The following DSCAM variants were observed in gnomAD, a reference collection of about 807,000 sequenced individuals.
The protein encoded by DSCAM is DS cell adhesion molecule.
A neutral mutation model predicts 217.7 loss-of-function variants in DSCAM; 47 were observed. That is an observed-to-expected ratio of 0.22 (90% confidence interval 0.17 to 0.28). The LOEUF is 0.28. DSCAM is among the 10% of genes least tolerant of loss of function. The probability of loss-of-function intolerance (pLI) is 1.00; values close to 1 mark genes in which losing one functional copy is unlikely to be tolerated. For missense variants in DSCAM, 2,080 were observed against 2,618.3 expected, an observed-to-expected ratio of 0.79 and a Z score of 4.49; for synonymous variants, 1,056 against 1,015.3, an observed-to-expected ratio of 1.04 and a Z score of -0.76.
chr21:40,420,380 T>C (rs1416301540), intron 3 of DSCAM, among the ~76,000 whole-genome samples: 1 of 152,210 alleles, frequency 6.6e-6, no homozygotes. Flanking sequence ...CTACATTTGC[T>C]AAAATCAGAA....
At chr21:40,269,398 C>A (rs1303521437) in intron 11 of DSCAM, among the ~76,000 whole-genome samples, 4 of 152,192 alleles carry the variant, frequency 2.6e-5, no homozygotes, top group Middle Eastern at 3.2e-3. Flanking sequence ...TTTGATGGGT[C>A]CCGGCCAGGG....
At chr21:40,258,270 T>C (rs2073401755) in intron 11 of DSCAM, among the ~76,000 whole-genome samples, 1 of 152,240 alleles carries the variant, frequency 6.6e-6, no homozygotes. Flanking sequence ...CTTTCCCTCT[T>C]GCATTTCTTC....
chr21:40,383,195 G>T (rs1484398649), intron 3 of DSCAM: 1 of 152,158 alleles, frequency 6.6e-6, no homozygotes. Flanking sequence ...GGGCGTGGTG[G>T]TGTGCGCCTG....
intron 3 of DSCAM, among the ~76,000 whole-genome samples, chr21:40,637,606 A>ACATATATAAAT (rs2089815758): frequency 5.4e-5 from 2 of 36,790 alleles, no homozygotes; most frequent in African/African-American, 1.9e-4. Context: ...TATATATATA[A>ACATATATAAAT]ATATATATAA....
At chr21:40,784,493 C>A (rs560005888) in intron 1 of DSCAM, among the ~76,000 whole-genome samples, 1 of 152,260 alleles carries the variant, frequency 6.6e-6, no homozygotes, top group African/African-American at 2.4e-5. Flanking sequence ...CGGACTAATA[C>A]AACGTGCTTT....
chr21:40,569,580 G>A (rs986391007), intron 3 of DSCAM, among the ~76,000 whole-genome samples: 2 of 152,026 alleles, frequency 1.3e-5, no homozygotes, highest in African/African-American at 2.4e-5. Flanking sequence ...TCTCAGCCCC[G>A]CCCCATAGTT....
chr21:40,155,975 G>A (rs1211085681), intron 16 of DSCAM, among the ~76,000 whole-genome samples: 7 of 152,018 alleles, frequency 4.6e-5, no homozygotes, highest in African/African-American at 1.7e-4. Flanking sequence ...CCCAGCCAGT[G>A]CTCTGACATG....
chr21:40,802,574 T>A (rs2091751573), intron 1 of DSCAM, among the ~76,000 whole-genome samples: 1 of 152,178 alleles, frequency 6.6e-6, no homozygotes, highest in Admixed American at 6.5e-5. Flanking sequence ...AGGTGGGGCC[T>A]TTAAAGGTGA....
intron 3 of DSCAM, among the ~76,000 whole-genome samples, chr21:40,486,498 G>C (rs1323434709): frequency 1.3e-5 from 2 of 152,024 alleles, no homozygotes; most frequent in African/African-American, 4.8e-5. Flanking sequence ...GGAAAGGGAA[G>C]GAGAGAGGAG....
intron 11 of DSCAM, among the ~76,000 whole-genome samples, chr21:40,250,644 C>T (rs2073290688): frequency 6.6e-6 from 1 of 152,164 alleles, no homozygotes; most frequent in African/African-American, 2.4e-5. Context: ...AAAAGGCAGC[C>T]CTCACATTAA....
chr21:40,263,495 A>C (rs1010899696), intron 11 of DSCAM, among the ~76,000 whole-genome samples: 1 of 152,202 alleles, frequency 6.6e-6, no homozygotes, highest in Non-Finnish European at 1.5e-5. Flanking sequence ...TGGAAATTTA[A>C]ATTTTTTTTC....
chr21:40,125,170 A>G (rs576711773), intron 19 of DSCAM, among the ~76,000 whole-genome samples: 9 of 152,314 alleles, frequency 5.9e-5, no homozygotes, highest in African/African-American at 1.4e-4. Flanking sequence ...TATCCATGTA[A>G]GACAAACTCT....
intron 20 of DSCAM, among the ~76,000 whole-genome samples, chr21:40,120,857 C>T (rs886512140): frequency 6.6e-6 from 1 of 152,098 alleles, no homozygotes; most frequent in East Asian, 1.9e-4. Context: ...AAATAAATGC[C>T]TATCAGCAGA....
At chr21:40,562,023 C>T (rs560696379) in intron 3 of DSCAM, among the ~76,000 whole-genome samples, 1 of 152,300 alleles carries the variant, frequency 6.6e-6, no homozygotes, top group East Asian at 1.9e-4. Context: ...CACTGACTTT[C>T]CCCACATCGT....
At chr21:40,614,961 A>C (rs1280008199) in intron 3 of DSCAM, among the ~76,000 whole-genome samples, 1 of 151,596 alleles carries the variant, frequency 6.6e-6, no homozygotes, top group East Asian at 1.9e-4. Context: ...TATATATTTT[A>C]TATACATTAT....
chr21:40,160,221 G>A (rs1027393144), intron 16 of DSCAM, among the ~76,000 whole-genome samples: 1 of 152,214 alleles, frequency 6.6e-6, no homozygotes, highest in African/African-American at 2.4e-5. Flanking sequence ...CTCAGAACTA[G>A]AGAAAAGGGT....
intron 3 of DSCAM, among the ~76,000 whole-genome samples, chr21:40,498,735 G>GTATATA (rs1247580828): frequency 1.2e-4 from 2 of 16,858 alleles, no homozygotes; most frequent in Non-Finnish European, 2.1e-4. Context: ...ATGGGTGTGT[G>GTATATA]TATATATATA....
At chr21:40,365,149 T>C (rs953278226) in intron 4 of DSCAM, among the ~76,000 whole-genome samples, 1 of 152,158 alleles carries the variant, frequency 6.6e-6, no homozygotes, top group African/African-American at 2.4e-5. Flanking sequence ...GTATTGTTCC[T>C]GGGTGTGTCT....
intron 3 of DSCAM, among the ~76,000 whole-genome samples, chr21:40,472,606 T>G (rs759020111): frequency 6.6e-6 from 1 of 152,222 alleles, no homozygotes; most frequent in Non-Finnish European, 1.5e-5. Flanking sequence ...CATTAGGAGC[T>G]TAGAGCTTTA....
Sources: gnomAD v4.1 joint callset for allele counts (sites outside exome capture counted in the v4.1 genomes callset) on GRCh38, gnomAD v4.1.1 for gene constraint, MANE v1.5 for transcripts, NCBI Gene and HGNC (gene_info 2026-07-23, HGNC 2026-07-21) for gene names.